Variants in F10 observed in about 807,000 individuals in gnomAD.
The protein encoded by F10 is Stuart-Prower factor.
In F10, 29 loss-of-function variants were observed where a neutral mutation model predicts 37.1. That is an observed-to-expected ratio of 0.78 (90% confidence interval 0.58 to 1.07). The LOEUF (loss-of-function observed/expected upper bound fraction) is 1.07, where lower values mean the gene tolerates loss of function less well. Ranked by LOEUF, F10 falls within the 50% of genes least tolerant of loss-of-function variation. The pLI is 0.00. For synonymous variants in F10, 262 were observed against 268.6 expected, an observed-to-expected ratio of 0.98 and a Z score of 0.24; for missense variants, 539 against 667.9, an observed-to-expected ratio of 0.81 and a Z score of 2.13.
Position 113,141,931 on chromosome 13 carries a change from C to G in F10, c.502+881C>G, listed in dbSNP as rs1210703989. Among the ~76,000 whole-genome samples, 1 of 152,232 alleles carries G rather than the reference C, an allele frequency of 6.6e-6. No homozygotes were observed. Among genetic ancestry groups the G allele is most frequent in the Non-Finnish European group, 1.5e-5 (1 of 68,042 alleles). On this transcript the variant is annotated intron_variant, in intron 5 of 7. Transcript: ENST00000375559. The surrounding 1 kb of genome is among the most constrained non-coding windows in gnomAD (Gnocchi z 5.4). ...CAGCCCCCAGACCGTGTTCTGCCCCCGGCTACCATGACTGTCCCCTCCAGA... is the reference window on the plus strand; with the variant it reads ...CAGCCCCCAGACCGTGTTCTGCCCCGGGCTACCATGACTGTCCCCTCCAGA...
At chr13:113,135,148 C>A (rs1308633770) in intron 2 of F10, among the ~76,000 whole-genome samples, 1 of 151,210 alleles carries the variant, frequency 6.6e-6, no homozygotes, top group African/African-American at 2.4e-5. Flanking sequence ...GAGGCTGAGG[C>A]AGGAGAATCA....
intron 7 of F10, among the ~76,000 whole-genome samples, chr13:113,148,311 A>G (rs1190246855): frequency 6.9e-6 from 1 of 145,702 alleles, no homozygotes; most frequent in Non-Finnish European, 1.5e-5. Flanking sequence ...AGCCCGGGCA[A>G]CAGAGCAAAA....
rs2036483600 is a variant in F10 at position 113,136,886 on chromosome 13, G to A, written c.232-1571G>A. Among the ~76,000 whole-genome samples, 2 of 47,288 alleles carry A rather than the reference G, an allele frequency of 4.2e-5. 1 individual carries two copies. The highest frequency in any genetic ancestry group is 1.0e-4 in the African/African-American group (2 of 19,764). 31.0% of individuals were successfully genotyped at this position (47,288 alleles called of 152,430 possible). A position where few individuals can be genotyped will look rare whatever the true frequency, so the allele number is the denominator to read the frequency against. On this transcript the variant is annotated intron_variant, in intron 2 of 7. Coordinates refer to ENST00000375559, the MANE Select transcript of F10 (RefSeq NM_000504.4). ...GGGATGGTCTCGATCTCCTGACCTC[G>A]TGATCCGCCCGCCTCGGCCTCCCAA...
chr13:113,129,579 G>T lies in F10; in HGVS notation c.198G>T (p.Glu66Asp). 1 of 1,614,242 alleles carries T rather than the reference G, an allele frequency of 6.2e-7. No homozygotes were observed. The highest frequency in any genetic ancestry group is 8.5e-7 in the Non-Finnish European group (1 of 1,180,034). ...ECMEETCSYEEAREVFEDSDK... is the reference protein window; with the variant it reads ...ECMEETCSYEDAREVFEDSDK... ...TGGAAGAGACCTGCTCATACGAAGA[G>T]GCCCGCGAGGTCTTTGAGGACAGCG... The change falls in exon 2 of 8, where the codon GAG becomes GAT. Residue 66 changes from glutamate (E) to aspartate (D), a missense_variant. Physicochemically the swap from Glu to Asp is conservative, Grantham distance 45. Around this residue, in one of 2 missense-constraint regions of F10, gnomAD observed 130 missense variants for 120.0 expected, o/e 1.08. Transcript: ENST00000375559.
chr13:113,123,340 G>A (rs1424733097), intron 1 of F10, among the ~76,000 whole-genome samples: 2 of 152,208 alleles, frequency 1.3e-5, no homozygotes, highest in Admixed American at 1.3e-4. Context: ...AGGACGAGGG[G>A]CACAGCAGAG....
Position 113,122,847 on chromosome 13 carries a change from G to A in F10, c.-9G>A, listed in dbSNP as rs779037571. The A allele has an allele frequency of 7.5e-6, 12 of 1,609,484 alleles. No homozygotes were observed. The highest frequency in any genetic ancestry group is 3.3e-5 in the Admixed American group (2 of 60,004). On this transcript the variant is annotated 5_prime_UTR_variant, in exon 1 of 8. Coordinates refer to ENST00000375559, the MANE Select transcript of F10 (RefSeq NM_000504.4). ...CAGTGAGGACAGGGACACAGTACTCGGCCACACCATGGGGCGCCCACTGCA... is the reference window on the plus strand; with the variant it reads ...CAGTGAGGACAGGGACACAGTACTCAGCCACACCATGGGGCGCCCACTGCA...
chr13:113,134,748 A>G (rs1015988478), intron 2 of F10, among the ~76,000 whole-genome samples: 1 of 152,264 alleles, frequency 6.6e-6, no homozygotes, highest in Non-Finnish European at 1.5e-5. Context: ...AGCAATGCAC[A>G]GTTATTTGTA....
Position 113,140,912 on chromosome 13 carries a change from T to G in F10, c.371-7T>G, listed in dbSNP as rs2036521346. The G allele has an allele frequency of 5.0e-6, 8 of 1,614,006 alleles. No homozygotes were observed. The highest frequency in any genetic ancestry group is 6.8e-6 in the Non-Finnish European group (8 of 1,180,028). On this transcript the variant is annotated splice_region_variant and splice_polypyrimidine_tract_variant and intron_variant, in intron 4 of 7. Transcript: ENST00000375559. ...GTCCCCAGAGCCAACGTGCCTCTCC[T>G]TTGCAGTCACACGGAAGCTCTGCAG...
intron 5 of F10, among the ~76,000 whole-genome samples, chr13:113,142,508 G>A (rs1210131975): frequency 7.4e-6 from 1 of 135,730 alleles, no homozygotes; most frequent in Non-Finnish European, 1.6e-5. Flanking sequence ...ACTGAGCCGA[G>A]ATTGCGCCAC....
In F10 at chr13:113,139,924, T is replaced by C. The variant is rs937946880; in HGVS notation, c.370+454T>C. On this transcript the variant is annotated intron_variant, in intron 4 of 7. Coordinates refer to ENST00000375559, the MANE Select transcript of F10 (RefSeq NM_000504.4). This position sits in a 1 kb window ranked among gnomAD's most constrained non-coding sequence, Gnocchi z 5.2. ...TTGTGATTGGCCAATTATAAAAATT[T>C]GATACATTTAATTAGTTCTACGTGG... 6.6e-6 allele frequency among the ~76,000 whole-genome samples: 1 copy of C among 152,210 alleles called. No homozygotes were observed. Among genetic ancestry groups the C allele is most frequent in the African/African-American group, 2.4e-5 (1 of 41,462 alleles).
In F10 at chr13:113,140,758, G is replaced by T. The variant is rs1459626669; in HGVS notation, c.371-161G>T. 25 of 1,026,294 alleles carry T rather than the reference G, an allele frequency of 2.4e-5. No homozygotes were observed. In the East Asian group the frequency reaches 4.8e-4, roughly 20 times the overall value. The allele number at this position is 1,026,294 out of a possible 1,614,324, so 63.6% of individuals were successfully genotyped here. A position where few individuals can be genotyped will look rare whatever the true frequency, so the allele number is the denominator to read the frequency against. On this transcript the variant is annotated intron_variant, in intron 4 of 7. Coordinates refer to ENST00000375559, the MANE Select transcript of F10 (RefSeq NM_000504.4). ...TGAGCTCCCCGTGACCCGTGAGGTT[G>T]CCCTTCAAGGCAAGTGTACCTGTCG...
chr13:113,126,007 G>C (rs1415204538), intron 1 of F10, among the ~76,000 whole-genome samples: 1 of 152,186 alleles, frequency 6.6e-6, no homozygotes, highest in Non-Finnish European at 1.5e-5. Context: ...TTGGGTATCT[G>C]TGGAAAGAAT....
At chr13:113,138,362 T>C (rs1044614818) in intron 2 of F10, 95 bp from the exon 3 acceptor site, 8 of 662,140 alleles carry the variant, frequency 1.2e-5, no homozygotes, top group Non-Finnish European at 1.6e-5. Flanking sequence ...GGGGAAAATA[T>C]CCTATTCAGC....
chr13:113,144,310 G>C lies in F10; in HGVS notation c.747+215G>C. 1.5e-6 allele frequency: 1 copy of C among 679,046 alleles called. No individual in the cohort carries two copies. The highest frequency in any genetic ancestry group is 2.5e-6 in the Non-Finnish European group (1 of 404,340). 42.1% of individuals were successfully genotyped at this position (679,046 alleles called of 1,614,324 possible). A position where few individuals can be genotyped will look rare whatever the true frequency, so the allele number is the denominator to read the frequency against. On this transcript the variant is annotated intron_variant, in intron 6 of 7. Coordinates refer to ENST00000375559, the MANE Select transcript of F10 (RefSeq NM_000504.4). The surrounding 1 kb of genome is among the most constrained non-coding windows in gnomAD (Gnocchi z 6.4). Reference sequence around the variant, plus strand: ...CCACAGGGAAGTGGCCGGGGCTGAGGGAGAGGCTGGGCCCAGGCAACGCCC... The same window carrying C: ...CCACAGGGAAGTGGCCGGGGCTGAGCGAGAGGCTGGGCCCAGGCAACGCCC...
rs551281243 is a variant in F10 at position 113,146,162 on chromosome 13, G to A, written c.748-1217G>A. On this transcript the variant is annotated intron_variant, in intron 6 of 7. Transcript: ENST00000375559. The surrounding 1 kb of genome is among the most constrained non-coding windows in gnomAD (Gnocchi z 4.5). ...GGTGGCTCTGCAATGCATGTTTGTT[G>A]AGGGCCTTCTGTGTGTCAGGCACTG... is the stretch of plus-strand genomic sequence containing the variant. Among the ~76,000 whole-genome samples the A allele has an allele frequency of 6.6e-6, 1 of 152,218 alleles. No individual in the cohort carries two copies. Among genetic ancestry groups the A allele is most frequent in the South Asian group, 2.1e-4 (1 of 4,828 alleles).
rs5961 is a variant in F10 at position 113,129,471 on chromosome 13, G to C, written c.90G>C (p.Gln30His). The C allele has an allele frequency of 2.3e-3, 3,648 of 1,613,910 alleles. 59 individuals carry two copies. The African/African-American group carries it at 0.043, about 19-fold the overall frequency. ...LGESLFIRRE[Q>H]ANNILARVTR... ...TTCCAGTGTTCATCCGCAGGGAGCA[G>C]GCCAACAACATCCTGGCGAGGGTCA... The change falls in exon 2 of 8, where the codon CAG becomes CAC. Residue 30 changes from glutamine (Q) to histidine (H), a missense_variant. Gln to His is a conservative substitution (Grantham distance 24, BLOSUM62 0). Around this residue, in one of 2 missense-constraint regions of F10, gnomAD observed 130 missense variants for 120.0 expected, o/e 1.08. Coordinates refer to ENST00000375559, the MANE Select transcript of F10 (RefSeq NM_000504.4).
At chr13:113,148,399 T>TATACACAC (rs138750596) in intron 7 of F10, among the ~76,000 whole-genome samples, 11,292 of 138,386 alleles carry the variant, frequency 0.082, 685 homozygotes, top group South Asian at 0.23. Flanking sequence ...TACATATATA[T>TATACACAC]ACACACACAC....
At chr13:113,134,303 CGCT>C (rs964544629) in intron 2 of F10, among the ~76,000 whole-genome samples, 6 of 152,100 alleles carry the variant, frequency 3.9e-5, no homozygotes, top group African/African-American at 1.4e-4. Flanking sequence ...TCCCTTCTCA[CGCT>C]GCTGTGAAGA....
chr13:113,136,233 G>A (rs547453150), intron 2 of F10, among the ~76,000 whole-genome samples: 3 of 152,128 alleles, frequency 2.0e-5, no homozygotes, highest in African/African-American at 7.2e-5. Flanking sequence ...ACAGAACAGC[G>A]CTGGTTAAGA....
Sources: gnomAD v4.1 joint callset for allele counts (sites outside exome capture counted in the v4.1 genomes callset) on GRCh38, gnomAD v4.1.1 for gene constraint, gnomAD v4.1.1 regional missense constraint, Gnocchi (gnomAD v3.1) non-coding constraint, MANE v1.5 for transcripts, NCBI Gene and HGNC (gene_info 2026-07-23, HGNC 2026-07-21) for gene names.